HECW1: variants seen among roughly 807,000 people sequenced by gnomAD.
HECW1 encodes the protein HECT, C2 and WW domain containing E3 ubiquitin protein ligase 1.
A neutral mutation model predicts 182.3 loss-of-function variants in HECW1; 61 were observed. That is an observed-to-expected ratio of 0.33 (90% confidence interval 0.27 to 0.41). HECW1 has a LOEUF of 0.41. Among genes scored for constraint, HECW1 ranks in the 10% least tolerant of loss-of-function variants. The pLI is 1.00. For missense variants in HECW1, 1,739 were observed against 2,108.9 expected (o/e 0.82, Z 3.44); for synonymous variants, 859 against 832.6 (o/e 1.03, Z -0.55).
intron 29 of HECW1, 28 bp from the exon 30 acceptor site, chr7:43,561,787 C>A: frequency 6.9e-7 from 1 of 1,458,572 alleles, no homozygotes; most frequent in Non-Finnish European, 9.6e-7. Flanking sequence ...GAAACAAACA[C>A]TCTCACCAAT....
chr7:43,358,544 A>G (rs1230627021), intron 5 of HECW1, among the ~76,000 whole-genome samples: 1 of 152,252 alleles, frequency 6.6e-6, no homozygotes, highest in Non-Finnish European at 1.5e-5. Flanking sequence ...GGCATCACCC[A>G]GGTAATGGAA....
intron 3 of HECW1, among the ~76,000 whole-genome samples, chr7:43,299,207 C>G (rs567711649): frequency 6.6e-6 from 1 of 152,180 alleles, no homozygotes; most frequent in Non-Finnish European, 1.5e-5. Flanking sequence ...GAGGTAGTAC[C>G]AATTCAACTG....
chr7:43,306,051 T>C (rs11765866), intron 3 of HECW1, among the ~76,000 whole-genome samples: 40,845 of 151,984 alleles, frequency 0.27, 8,043 homozygotes, highest in African/African-American at 0.56. Context: ...TGAGCCACCC[T>C]GCCCAGCCTA....
chr7:43,325,984 C>T (rs1445270636), intron 5 of HECW1, among the ~76,000 whole-genome samples: 11 of 152,192 alleles, frequency 7.2e-5, no homozygotes, highest in Admixed American at 6.5e-4. Flanking sequence ...ATACCTTACA[C>T]TGGGGAATTC....
intron 2 of HECW1, chr7:43,117,785 A>G (rs920583272): frequency 1.9e-4 from 29 of 152,244 alleles, no homozygotes; most frequent in Non-Finnish European, 2.9e-5. Flanking sequence ...TGAAAGGAGA[A>G]TGATAATAAT....
chr7:43,312,306 T>C (rs1808633150), intron 4 of HECW1, among the ~76,000 whole-genome samples: 2 of 152,248 alleles, frequency 1.3e-5, no homozygotes, highest in South Asian at 2.1e-4. Flanking sequence ...TCATGAGATA[T>C]AGCAGAGTCA....
intron 2 of HECW1, among the ~76,000 whole-genome samples, chr7:43,235,835 C>G (rs1798283083): frequency 6.6e-6 from 1 of 152,076 alleles, no homozygotes; most frequent in Non-Finnish European, 1.5e-5. Flanking sequence ...CCCACAGTAA[C>G]CAGCTCTCTG....
At chr7:43,253,156 T>A (rs1160597708) in intron 3 of HECW1, among the ~76,000 whole-genome samples, 2 of 152,140 alleles carry the variant, frequency 1.3e-5, no homozygotes, top group Admixed American at 6.5e-5. Context: ...TCCTGGTCAT[T>A]TTGATGCACA....
intron 21 of HECW1, among the ~76,000 whole-genome samples, chr7:43,505,078 C>T (rs1387515686): frequency 6.6e-6 from 1 of 152,130 alleles, no homozygotes; most frequent in Non-Finnish European, 1.5e-5. Flanking sequence ...ATTCCCGCAG[C>T]CTCATCCTCC....
At chr7:43,159,977 C>A (rs950983904) in intron 2 of HECW1, among the ~76,000 whole-genome samples, 2 of 152,248 alleles carry the variant, frequency 1.3e-5, no homozygotes, top group Admixed American at 6.5e-5. Flanking sequence ...CCGCGCCCAG[C>A]TGTATCTTTA....
intron 5 of HECW1, among the ~76,000 whole-genome samples, chr7:43,347,103 G>A (rs4421275): frequency 0.82 from 124,890 of 152,156 alleles, 51,943 homozygotes; most frequent in Middle Eastern, 0.9. Context: ...TTTTCACAAT[G>A]TTGATTCTAC....
intron 24 of HECW1, among the ~76,000 whole-genome samples, chr7:43,521,646 C>T (rs888142476): frequency 3.9e-5 from 6 of 152,130 alleles, no homozygotes; most frequent in Admixed American, 1.3e-4. Flanking sequence ...GAGGCCAAGG[C>T]GGGTGGATCA....
chr7:43,472,920 CTGAT>C (rs927859567), intron 16 of HECW1, among the ~76,000 whole-genome samples: 2 of 152,144 alleles, frequency 1.3e-5, no homozygotes, highest in Non-Finnish European at 2.9e-5. Flanking sequence ...TTTACCCATC[CTGAT>C]TGTTACAGTT....
intron 8 of HECW1, among the ~76,000 whole-genome samples, chr7:43,410,974 T>C (rs113120962): frequency 2.9e-4 from 44 of 152,100 alleles, no homozygotes; most frequent in African/African-American, 1.0e-3. Flanking sequence ...ATTTTCTCTA[T>C]GTTTAACTGT....
At chr7:43,303,256 G>A (rs1372741817) in intron 3 of HECW1, among the ~76,000 whole-genome samples, 1 of 152,082 alleles carries the variant, frequency 6.6e-6, no homozygotes, top group Non-Finnish European at 1.5e-5. Context: ...TGCCCCTCCT[G>A]GAGCCTGGCC....
intron 17 of HECW1, among the ~76,000 whole-genome samples, chr7:43,485,018 C>T (rs567336479): frequency 6.6e-6 from 1 of 152,322 alleles, no homozygotes; most frequent in South Asian, 2.1e-4. Context: ...GAAGGATAAG[C>T]AGAGCACATA....
intron 3 of HECW1, chr7:43,249,511 T>C (rs187456488): frequency 6.6e-6 from 1 of 152,352 alleles, no homozygotes; most frequent in East Asian, 1.9e-4. Context: ...CTGGACTGTC[T>C]TTTAAACATA....
chr7:43,213,782 A>C (rs1796211421), intron 2 of HECW1, among the ~76,000 whole-genome samples: 1 of 152,134 alleles, frequency 6.6e-6, no homozygotes, highest in South Asian at 2.1e-4. Context: ...ATCTTTATAC[A>C]TATTTTTATC....
chr7:43,508,040 T>A lies in HECW1; in HGVS notation c.3775T>A (p.Leu1259Met). Residue 1259 changes from leucine to methionine, a missense_variant, in exon 23 of 30, where the codon TTG becomes ATG. Transcript: ENST00000395891. Reference sequence around the variant, plus strand: ...CAGGCTCATTATTCGCCGGGATCATTTGTTGGAGGGAACCTTCAATCAGGT... The same window carrying A: ...CAGGCTCATTATTCGCCGGGATCATATGTTGGAGGGAACCTTCAATCAGGT... ...KIKLIIRRDH[L>M]LEGTFNQVMA... 2 of 1,613,838 alleles carry A rather than the reference T, an allele frequency of 1.2e-6. No individual in the cohort carries two copies. The highest frequency in any genetic ancestry group is 1.7e-6 in the Non-Finnish European group (2 of 1,179,774).
Sources: gnomAD v4.1 joint callset for allele counts (sites outside exome capture counted in the v4.1 genomes callset) on GRCh38, gnomAD v4.1.1 for gene constraint, MANE v1.5 for transcripts, NCBI Gene and HGNC (gene_info 2026-07-23, HGNC 2026-07-21) for gene names.